Variants in MAIP1 observed in about 807,000 individuals in gnomAD.
MAIP1 encodes the protein m-AAA protease-interacting protein 1, mitochondrial.
A neutral mutation model predicts 31.2 loss-of-function variants in MAIP1; 28 were observed. That is an observed-to-expected ratio of 0.90 (90% CI 0.67 to 1.23). The LOEUF is 1.23. Among genes scored for constraint, MAIP1 ranks in the 50% most tolerant of loss-of-function variants. MAIP1 has a pLI of 0.00. For missense variants in MAIP1, 339 were observed against 356.0 expected (o/e 0.95, Z 0.38); for synonymous variants, 142 against 142.3 (o/e 1.00, Z 0.02).
At chr2:199,959,396 T>G in intron 2 of MAIP1, 57 bp downstream of exon 2, 1 of 951,856 alleles carries the variant, frequency 1.1e-6, no homozygotes, top group East Asian at 2.4e-5. Flanking sequence ...TGCAATAGAA[T>G]GATGCACATT....
In MAIP1 at chr2:199,956,241, C is replaced by A; in HGVS notation, c.443C>A (p.Ala148Glu). The change falls in exon 1 of 5, where the codon GCG (alanine) becomes GAG (glutamate). Residue 148 changes from alanine (A) to glutamate (E), a missense_variant. Ala to Glu is a moderately radical substitution (Grantham distance 107). Transcript: ENST00000392290. ...EFSITEFSEG[A>E]KQAFAHVSKL... ...AGCATCACAGAGTTCTCCGAGGGAG[C>A]GAAGCAGGTTTGTTTATTTCCCTGA... is the stretch of plus-strand genomic sequence containing the variant. 1 of 1,609,340 alleles carries A rather than the reference C, an allele frequency of 6.2e-7. No homozygotes were observed. The highest frequency in any genetic ancestry group is 8.5e-7 in the Non-Finnish European group (1 of 1,177,168).
chr2:199,956,042 C>T lies in MAIP1; in HGVS notation c.244C>T (p.Pro82Ser). Residue 82 changes from proline (P) to serine (S), a missense_variant, in exon 1 of 5, where the codon CCC becomes TCC. By Grantham distance (74) the Pro-to-Ser change is moderately conservative (BLOSUM62 -1). Transcript: ENST00000392290. ...RWPVLSSPGL[P>S]AAFASFPACP... ...GCCAGTGCTCAGCAGCCCGGGACTC[C>T]CCGCAGCCTTCGCTTCTTTCCCTGC... The T allele has an allele frequency of 1.2e-6, 2 of 1,610,358 alleles. No homozygotes were observed. The highest frequency in any genetic ancestry group is 2.2e-5 in the East Asian group (1 of 44,750).
Position 199,959,864 on chromosome 2 carries a change from T to C in MAIP1, c.633T>C (p.Ile211=). ...IVFTSTGDIS[I]YYDEKGRKFV... The stretch of plus-strand genomic sequence containing the variant: ...TTACATCAACAGGAGACATCTCCAT[T>C]TACTATGATGAGAAAGGTAATACCA... Residue 211 remains isoleucine, a synonymous_variant, in exon 3 of 5, where the codon ATT becomes ATC. Coordinates refer to ENST00000392290, the MANE Select transcript of MAIP1 (RefSeq NM_001394955.1). 1 of 1,612,346 alleles carries C rather than the reference T, an allele frequency of 6.2e-7. No individual in the cohort carries two copies. The highest frequency in any genetic ancestry group is 1.1e-5 in the South Asian group (1 of 90,996).
chr2:199,961,837 C>T lies in MAIP1; in HGVS notation c.706C>T (p.Pro236Ser). The change falls in exon 4 of 5, where the codon CCC becomes TCC. Residue 236 changes from proline (P) to serine (S), a missense_variant. Pro to Ser is a moderately conservative substitution (Grantham distance 74). Coordinates refer to ENST00000392290, the MANE Select transcript of MAIP1 (RefSeq NM_001394955.1). ...CFWYLTSANIPSETLRGASVF... is the reference protein window; with the variant it reads ...CFWYLTSANISSETLRGASVF... ...TTGGTATCTAACCAGTGCCAACATC[C>T]CCAGTGAAACTTTAAGAGGAGCCAG... 1 of 1,613,850 alleles carries T rather than the reference C, an allele frequency of 6.2e-7. No homozygotes were observed. The highest frequency in any genetic ancestry group is 8.5e-7 in the Non-Finnish European group (1 of 1,179,832).
intron 1 of MAIP1, among the ~76,000 whole-genome samples, chr2:199,958,267 AAG>A (rs374215686): frequency 7.9e-5 from 12 of 152,018 alleles, no homozygotes; most frequent in Non-Finnish European, 1.8e-4. Context: ...CTCCTCTTAT[AAG>A]GATGCCAGTC....
At chr2:199,962,328 G>A (rs2077641240) in intron 4 of MAIP1, among the ~76,000 whole-genome samples, 3 of 152,118 alleles carry the variant, frequency 2.0e-5, no homozygotes, top group South Asian at 2.1e-4. Flanking sequence ...TTCTTAACTC[G>A]CATGGGTGGC....
chr2:199,959,248 C>G lies in MAIP1; in HGVS notation c.451-20C>G, dbSNP rs1210708772. 1.5e-6 allele frequency: 2 copies of G among 1,321,290 alleles called. No homozygotes were observed. Among genetic ancestry groups the G allele is most frequent in the Non-Finnish European group, 1.1e-6 (1 of 914,052 alleles). The allele number at this position is 1,321,290 out of a possible 1,614,324, so 81.8% of individuals were successfully genotyped here. On this transcript the variant is annotated intron_variant, in intron 1 of 4. Transcript: ENST00000392290. ...TTTTGAAATAATAATCCCCACACTT[C>G]CCTTAATATTTTTTTCAAGGCTTTT...
At chr2:199,960,007 T>TA in intron 3 of MAIP1, 127 bp downstream of exon 3, 1 of 859,928 alleles carries the variant, frequency 1.2e-6, no homozygotes, top group Non-Finnish European at 1.7e-6. Context: ...GAAAATGTTA[T>TA]ATCCATTCTT....
At chr2:199,956,278 G>A (rs1347650050) in intron 1 of MAIP1, 30 bp downstream of exon 1, 2 of 1,530,876 alleles carry the variant, frequency 1.3e-6, no homozygotes, top group Non-Finnish European at 1.8e-6. Context: ...TGACCTATCC[G>A]TCTCTAATGA....
rs547523030 is a variant in MAIP1 at position 199,961,683 on chromosome 2, C to T, written c.650-98C>T. On this transcript the variant is annotated intron_variant, in intron 3 of 4. Coordinates refer to ENST00000392290, the MANE Select transcript of MAIP1 (RefSeq NM_001394955.1). The stretch of plus-strand genomic sequence containing the variant: ...AAGCACAAAATTTGACCTGTAACAA[C>T]TGTATAACTGCTGCCAATTTCTGAT... 9.5e-4 allele frequency: 1,039 copies of T among 1,091,866 alleles called. 1 individual carries two copies. Among genetic ancestry groups the T allele is most frequent in the Non-Finnish European group, 1.2e-3 (888 of 758,546 alleles). 67.6% of individuals were successfully genotyped at this position (1,091,866 alleles called of 1,614,324 possible). A position where few individuals can be genotyped will look rare whatever the true frequency, so the allele number is the denominator to read the frequency against.
intron 4 of MAIP1, among the ~76,000 whole-genome samples, chr2:199,962,776 A>C (rs1231379974): frequency 6.6e-6 from 1 of 152,238 alleles, no homozygotes; most frequent in Non-Finnish European, 1.5e-5. Context: ...TTGAAGGGAT[A>C]CTGCCCTTAA....
At chr2:199,955,426 A>G, upstream of MAIP1, 1 of 1,613,926 alleles carries the variant, frequency 6.2e-7, no homozygotes, top group South Asian at 1.1e-5. Flanking sequence ...ACTGCTCCCG[A>G]GAAACGCCCT....
At chr2:199,958,140 G>A (rs1005280705) in intron 1 of MAIP1, among the ~76,000 whole-genome samples, 6 of 152,240 alleles carry the variant, frequency 3.9e-5, no homozygotes, top group South Asian at 4.1e-4. Context: ...TCAAGGTGTC[G>A]GAGGGGTTGT....
chr2:199,961,687 A>T (rs1258029847), intron 3 of MAIP1, 94 bp from the exon 4 acceptor site: 6 of 1,178,006 alleles, frequency 5.1e-6, no homozygotes, highest in South Asian at 4.7e-5. Context: ...TAACAACTGT[A>T]TAACTGCTGC....
Position 199,959,641 on chromosome 2 carries a change from G to T in MAIP1, c.523-113G>T, listed in dbSNP as rs374043843. The stretch of plus-strand genomic sequence containing the variant: ...CTTGCTTTTGAGGATGAGTAAATAC[G>T]GTAGTAAATTTAAAAATAGGTTTGG... On this transcript the variant is annotated intron_variant, in intron 2 of 4. Transcript: ENST00000392290. The T allele has an allele frequency of 1.4e-5, 12 of 850,714 alleles. No homozygotes were observed. In the East Asian group the frequency reaches 1.5e-4, roughly 11 times the overall value. 52.7% of individuals were successfully genotyped at this position (850,714 alleles called of 1,614,324 possible). A position where few individuals can be genotyped will look rare whatever the true frequency, so the allele number is the denominator to read the frequency against.
Position 199,959,892 on chromosome 2 carries a change from G to C in MAIP1, c.649+12G>C, listed in dbSNP as rs1276431875. On this transcript the variant is annotated intron_variant, in intron 3 of 4. Coordinates refer to ENST00000392290, the MANE Select transcript of MAIP1 (RefSeq NM_001394955.1). ...CTATGATGAGAAAGGTAATACCAGA[G>C]CATAGTCAACTTGAAATGATCCATA... 1.1e-5 allele frequency: 17 copies of C among 1,608,010 alleles called. No homozygotes were observed. The highest frequency in any genetic ancestry group is 1.4e-5 in the Non-Finnish European group (17 of 1,177,392).
In MAIP1 at chr2:199,955,590, G is replaced by A. The variant is rs539160051; in HGVS notation, c.-209G>A. ...AGGTCCGCGAGGCCGGCAGACTCCA[G>A]AGTGGCTGGGTCCGAGCGCGGGGCG... On this transcript the variant is annotated 5_prime_UTR_variant, in exon 1 of 5. Transcript: ENST00000392290. The A allele has an allele frequency of 6.6e-6, 9 of 1,358,516 alleles. 1 individual carries two copies. The South Asian group carries it at 1.2e-4, about 19-fold the overall frequency. 84.2% of individuals were successfully genotyped at this position (1,358,516 alleles called of 1,614,324 possible).
At chr2:199,957,408 CAAAA>C (rs2077613559) in intron 1 of MAIP1, among the ~76,000 whole-genome samples, 1 of 152,018 alleles carries the variant, frequency 6.6e-6, no homozygotes, top group African/African-American at 2.4e-5. Context: ...CAAAAACAAA[CAAAA>C]AAACCACAAT....
intron 1 of MAIP1, among the ~76,000 whole-genome samples, chr2:199,956,495 AC>A (rs2105722997): frequency 6.6e-6 from 1 of 152,226 alleles, no homozygotes; most frequent in Non-Finnish European, 1.5e-5. Flanking sequence ...CAGGAGTTGG[AC>A]GTTGTAGTGA....
Sources: allele counts gnomAD v4.1 joint callset (sites outside exome capture counted in the v4.1 genomes callset), GRCh38; gene constraint gnomAD v4.1.1; transcripts MANE v1.5; gene names NCBI Gene and HGNC (gene_info 2026-07-23, HGNC 2026-07-21).